Variants in DSCAML1 observed in about 807,000 individuals in gnomAD.
DSCAML1 encodes the protein DS cell adhesion molecule like 1.
In DSCAML1, 38 loss-of-function variants were observed where a neutral mutation model predicts 200.5. That is an observed-to-expected ratio of 0.19 (90% confidence interval 0.15 to 0.25). The LOEUF (loss-of-function observed/expected upper bound fraction) is 0.25. DSCAML1 is among the 10% of genes least tolerant of loss of function. The pLI, the probability that DSCAML1 is intolerant of heterozygous loss-of-function variation, is 1.00. For missense variants in DSCAML1, 2,223 were observed against 2,858.8 expected, an observed-to-expected ratio of 0.78 and a Z score of 5.07; for synonymous variants, 1,215 against 1,165.0, an observed-to-expected ratio of 1.04 and a Z score of -0.87.
chr11:117,704,815 T>G (rs1439581740), intron 3 of DSCAML1, among the ~76,000 whole-genome samples: 1 of 152,172 alleles, frequency 6.6e-6, no homozygotes, highest in Non-Finnish European at 1.5e-5. Context: ...GCCATTTATT[T>G]TGGTACCTCA....
At chr11:117,665,087 T>G (rs989239419) in intron 3 of DSCAML1, among the ~76,000 whole-genome samples, 1 of 152,202 alleles carries the variant, frequency 6.6e-6, no homozygotes, top group Non-Finnish European at 1.5e-5. Flanking sequence ...AAGTCTGTGC[T>G]GACAACTCCT....
In DSCAML1 at chr11:117,518,889, A is replaced by G; in HGVS notation, c.1214-127T>C. The G allele has an allele frequency of 1.9e-6, 2 of 1,074,690 alleles. No individual in the cohort carries two copies. Among genetic ancestry groups the G allele is most frequent in the East Asian group, 2.6e-5 (1 of 38,530 alleles). The allele number at this position is 1,074,690 out of a possible 1,614,324, so 66.6% of individuals were successfully genotyped here. On this transcript the variant is annotated intron_variant, in intron 6 of 32. Transcript: ENST00000651296. The surrounding 1 kb of genome is among the most constrained non-coding windows in gnomAD (Gnocchi z 6.3). ...AGAGCAAACAAGAACTTTTGTGTAC[A>G]TCAATTCTTCTGCTATCCGCAACCC...
chr11:117,730,875 A>T (rs898361982), intron 3 of DSCAML1, among the ~76,000 whole-genome samples: 2 of 152,186 alleles, frequency 1.3e-5, no homozygotes, highest in Non-Finnish European at 2.9e-5. Context: ...CCTCAAAAAC[A>T]TTCTTCTAAG....
At chr11:117,744,550 C>T (rs527284621) in intron 3 of DSCAML1, among the ~76,000 whole-genome samples, 2 of 152,354 alleles carry the variant, frequency 1.3e-5, no homozygotes, top group African/African-American at 2.4e-5. Context: ...GGGACTTTAG[C>T]GGTCCCTAGC....
At chr11:117,583,618 G>T (rs1427992056) in intron 3 of DSCAML1, among the ~76,000 whole-genome samples, 3 of 152,108 alleles carry the variant, frequency 2.0e-5, no homozygotes, top group Non-Finnish European at 4.4e-5. Flanking sequence ...CCCTGTGCAG[G>T]TCTGCCCTCC....
intron 3 of DSCAML1, among the ~76,000 whole-genome samples, chr11:117,764,451 C>T (rs1202238078): frequency 6.6e-6 from 1 of 152,182 alleles, no homozygotes; most frequent in East Asian, 1.9e-4. Context: ...CCTTGAGATC[C>T]TCAAGCAGAG....
At chr11:117,443,463 C>T (rs569861251) in intron 21 of DSCAML1, among the ~76,000 whole-genome samples, 19 of 152,368 alleles carry the variant, frequency 1.2e-4, no homozygotes, top group African/African-American at 4.6e-4. Context: ...CACCCCTGCC[C>T]GGTGTCCAGT....
At chr11:117,598,898 AT>A (rs1000302968) in intron 3 of DSCAML1, among the ~76,000 whole-genome samples, 1 of 152,114 alleles carries the variant, frequency 6.6e-6, no homozygotes, top group Admixed American at 6.6e-5. Flanking sequence ...TTAGTGGTAT[AT>A]TTTTTTGGGG....
At chr11:117,555,349 T>C (rs1228381027) in intron 3 of DSCAML1, among the ~76,000 whole-genome samples, 1 of 152,228 alleles carries the variant, frequency 6.6e-6, no homozygotes, top group African/African-American at 2.4e-5. Context: ...ATGGGTTGAC[T>C]AGAACTCTTC....
At chr11:117,710,187 C>G (rs1432101713) in intron 3 of DSCAML1, among the ~76,000 whole-genome samples, 2 of 152,194 alleles carry the variant, frequency 1.3e-5, no homozygotes, top group Non-Finnish European at 2.9e-5. Flanking sequence ...GATTCCTTCT[C>G]TGCTCACTGA....
chr11:117,763,173 C>T (rs961918855), intron 3 of DSCAML1, among the ~76,000 whole-genome samples: 1 of 152,104 alleles, frequency 6.6e-6, no homozygotes, highest in Admixed American at 6.5e-5. Flanking sequence ...TCTGGTCCCA[C>T]CCACCTGAAG....
chr11:117,729,276 T>C (rs1030068365), intron 3 of DSCAML1, among the ~76,000 whole-genome samples: 1 of 152,202 alleles, frequency 6.6e-6, no homozygotes. Context: ...TAACTCAATA[T>C]GTATCAAAGA....
At chr11:117,436,805 T>C (rs1410048598) in intron 26 of DSCAML1, among the ~76,000 whole-genome samples, 2 of 152,290 alleles carry the variant, frequency 1.3e-5, no homozygotes, top group East Asian at 3.9e-4. Flanking sequence ...ACCACACCTC[T>C]ACCTCCCTTG....
At chr11:117,687,652 T>C (rs1009276323) in intron 3 of DSCAML1, among the ~76,000 whole-genome samples, 81 of 152,236 alleles carry the variant, frequency 5.3e-4, no homozygotes, top group African/African-American at 1.9e-3. Context: ...CAACAGTGTA[T>C]GGCACACTGA....
intron 3 of DSCAML1, among the ~76,000 whole-genome samples, chr11:117,648,928 C>T (rs2052572822): frequency 6.6e-6 from 1 of 152,038 alleles, no homozygotes; most frequent in African/African-American, 2.4e-5. Context: ...CCAGCTCAGG[C>T]CTAATGTAGA....
rs186001164 is a variant in DSCAML1, at chr11:117,470,468, G to A, written c.2954-488C>T. Among the ~76,000 whole-genome samples, 155 of 152,282 alleles carry A rather than the reference G, an allele frequency of 1.0e-3. 1 individual carries two copies. Among genetic ancestry groups the A allele is most frequent in the African/African-American group, 3.5e-3 (145 of 41,554 alleles). On this transcript the variant is annotated intron_variant, in intron 15 of 32. Transcript: ENST00000651296. The stretch of plus-strand genomic sequence containing the variant: ...CGGGCGCCTGTAGTCCCAGCTGCTC[G>A]GGAGGCTGAGGCAGGAGAATGGCAT...
At chr11:117,479,185 G>A (rs531562788) in intron 14 of DSCAML1, among the ~76,000 whole-genome samples, 6 of 152,336 alleles carry the variant, frequency 3.9e-5, no homozygotes, top group Non-Finnish European at 8.8e-5. Flanking sequence ...GAGGACAGCC[G>A]GCCGGCCAAT....
chr11:117,543,986 C>T (rs958321636), intron 3 of DSCAML1, among the ~76,000 whole-genome samples: 7 of 152,068 alleles, frequency 4.6e-5, no homozygotes, highest in African/African-American at 1.7e-4. Context: ...GCTTTGCCTC[C>T]CCCATTTCCT....
chr11:117,475,722 C>T (rs1245519664), intron 14 of DSCAML1, among the ~76,000 whole-genome samples: 1 of 152,192 alleles, frequency 6.6e-6, no homozygotes, highest in African/African-American at 2.4e-5. Context: ...TTTGCCATTC[C>T]CCTCCTTGCC....
Sources: allele counts gnomAD v4.1 joint callset (sites outside exome capture counted in the v4.1 genomes callset), GRCh38; gene constraint gnomAD v4.1.1; non-coding constraint Gnocchi (gnomAD v3.1); transcripts MANE v1.5; gene names NCBI Gene and HGNC (gene_info 2026-07-23, HGNC 2026-07-21).